KCNIP4: variants seen among roughly 807,000 people sequenced by gnomAD.
KCNIP4 encodes potassium voltage-gated channel interacting protein 4.
In KCNIP4, 12 loss-of-function variants were observed where a neutral mutation model predicts 34.0. The ratio of observed to expected loss-of-function variants is 0.35; its 90% CI spans 0.23 to 0.57. KCNIP4 has a LOEUF of 0.57. Among genes scored for constraint, KCNIP4 ranks in the 20% least tolerant of loss-of-function variants. KCNIP4 has a pLI of 0.83. For synonymous variants in KCNIP4, 124 were observed against 102.2 expected (o/e 1.21, Z -1.29); for missense variants, 238 against 311.7 (o/e 0.76, Z 1.78).
chr4:20,746,555 A>G (rs1454124047), intron 5 of KCNIP4, among the ~76,000 whole-genome samples: 1 of 152,148 alleles, frequency 6.6e-6, no homozygotes, highest in African/African-American at 2.4e-5. Flanking sequence ...TAACTGCTAT[A>G]GTTAACATCT....
At chr4:21,475,120 C>T (rs10013001) in intron 1 of KCNIP4, among the ~76,000 whole-genome samples, 3,901 of 152,106 alleles carry the variant, frequency 0.026, 150 homozygotes, top group East Asian at 0.12. Context: ...TGTTCATACT[C>T]TCTCCTAACA....
At chr4:21,360,073 T>A (rs1182807396) in intron 1 of KCNIP4, among the ~76,000 whole-genome samples, 1 of 152,100 alleles carries the variant, frequency 6.6e-6, no homozygotes, top group East Asian at 1.9e-4. Flanking sequence ...TGAGCTCTAC[T>A]GTGCGTGTAA....
chr4:21,701,034 A>C (rs7434957), intron 1 of KCNIP4, among the ~76,000 whole-genome samples: 19,535 of 152,200 alleles, frequency 0.13, 3,764 homozygotes, highest in African/African-American at 0.42. Context: ...TGAATAAAAA[A>C]ATGTGGTATA....
chr4:20,864,312 A>G (rs1407109729), intron 2 of KCNIP4, among the ~76,000 whole-genome samples: 1 of 151,460 alleles, frequency 6.6e-6, no homozygotes, highest in South Asian at 2.1e-4. Context: ...ATGCATATAT[A>G]CATACGTTTA....
At chr4:21,090,999 T>C (rs1243669523) in intron 1 of KCNIP4, among the ~76,000 whole-genome samples, 3 of 152,178 alleles carry the variant, frequency 2.0e-5, no homozygotes, top group Non-Finnish European at 1.5e-5. Flanking sequence ...GTTAGGAATG[T>C]TTTTATGTAG....
At chr4:21,100,970 C>T (rs1897666) in intron 1 of KCNIP4, among the ~76,000 whole-genome samples, 68,523 of 151,894 alleles carry the variant, frequency 0.45, 15,989 homozygotes, top group African/African-American at 0.58. Flanking sequence ...CTAAAACCTT[C>T]TTAAAATTTT....
intron 1 of KCNIP4, among the ~76,000 whole-genome samples, chr4:21,072,911 C>T (rs1326588379): frequency 2.0e-5 from 3 of 152,094 alleles, no homozygotes; most frequent in Admixed American, 1.3e-4. Context: ...GAATCCTTTC[C>T]CCATTGCTTG....
chr4:21,733,075 G>A (rs918892366), intron 1 of KCNIP4, among the ~76,000 whole-genome samples: 11 of 152,074 alleles, frequency 7.2e-5, no homozygotes, highest in Non-Finnish European at 1.2e-4. Context: ...GAATCTCAAC[G>A]CTGAGCAAGA....
chr4:21,254,120 G>C (rs1022702087), intron 1 of KCNIP4, among the ~76,000 whole-genome samples: 1 of 152,186 alleles, frequency 6.6e-6, no homozygotes, highest in African/African-American at 2.4e-5. Flanking sequence ...TTTGGAACTA[G>C]ATTGAAAATG....
At chr4:21,294,258 T>C (rs1038705231) in intron 1 of KCNIP4, among the ~76,000 whole-genome samples, 3 of 152,164 alleles carry the variant, frequency 2.0e-5, no homozygotes, top group Non-Finnish European at 2.9e-5. Context: ...ACCTCCTGAA[T>C]GCCTGAGCAC....
chr4:21,630,841 T>C (rs1326030429), intron 1 of KCNIP4, among the ~76,000 whole-genome samples: 4 of 152,172 alleles, frequency 2.6e-5, no homozygotes. Flanking sequence ...GATGTTTCTG[T>C]TTTTTGCCTA....
At chr4:20,970,784 G>A (rs1257756767) in intron 1 of KCNIP4, among the ~76,000 whole-genome samples, 3 of 152,182 alleles carry the variant, frequency 2.0e-5, no homozygotes, top group African/African-American at 7.2e-5. Flanking sequence ...ATTCTGAGTA[G>A]CCTATTGTAT....
chr4:21,742,987 TA>T (rs2109131670), intron 1 of KCNIP4, among the ~76,000 whole-genome samples: 1 of 152,296 alleles, frequency 6.6e-6, no homozygotes, highest in South Asian at 2.1e-4. Context: ...CTGTAGAGTG[TA>T]ATAGGCTACC....
chr4:21,202,708 T>C (rs529967262), intron 1 of KCNIP4, among the ~76,000 whole-genome samples: 8 of 152,290 alleles, frequency 5.3e-5, no homozygotes, highest in African/African-American at 1.9e-4. Context: ...CCATGTTCTT[T>C]CCACTTGTTT....
Position 21,688,974 on chromosome 4 carries a change from T to G in KCNIP4, c.61+259597A>C, listed in dbSNP as rs568204915. Among the ~76,000 whole-genome samples, 124 of 152,210 alleles carry G rather than the reference T, an allele frequency of 8.1e-4. 1 individual carries two copies. Among genetic ancestry groups the G allele is most frequent in the African/African-American group, 2.9e-3 (120 of 41,538 alleles). ...TGTCCTTGACTGAAATAGTAAGAGA[T>G]AGTTTTCCTCTGCTTTTTGAAATCT... is the stretch of plus-strand genomic sequence containing the variant. On this transcript the variant is annotated intron_variant, in intron 1 of 8. Coordinates refer to ENST00000382152, the MANE Select transcript of KCNIP4 (RefSeq NM_025221.6).
At chr4:21,266,392 GC>G (rs2109119898) in intron 1 of KCNIP4, among the ~76,000 whole-genome samples, 1 of 145,804 alleles carries the variant, frequency 6.9e-6, no homozygotes, top group East Asian at 2.1e-4. Flanking sequence ...AAAACAAAAT[GC>G]CAAGGAAACA....
intron 1 of KCNIP4, among the ~76,000 whole-genome samples, chr4:20,895,085 C>A (rs1726358660): frequency 6.6e-6 from 1 of 152,172 alleles, no homozygotes; most frequent in African/African-American, 2.4e-5. Context: ...CTGTCTAGCT[C>A]CTGGGTCTGA....
intron 3 of KCNIP4, among the ~76,000 whole-genome samples, chr4:20,818,546 A>C (rs1716704221): frequency 6.6e-6 from 1 of 152,132 alleles, no homozygotes; most frequent in South Asian, 2.1e-4. Context: ...ACCTCCCGAC[A>C]GAAGCGCTGT....
At chr4:21,328,578 C>A (rs1715318034) in intron 1 of KCNIP4, among the ~76,000 whole-genome samples, 1 of 152,210 alleles carries the variant, frequency 6.6e-6, no homozygotes, top group African/African-American at 2.4e-5. Flanking sequence ...GTAACCACTG[C>A]CTGGCTACCT....
Sources: gnomAD v4.1 joint callset for allele counts (sites outside exome capture counted in the v4.1 genomes callset) on GRCh38, gnomAD v4.1.1 for gene constraint, MANE v1.5 for transcripts, NCBI Gene and HGNC (gene_info 2026-07-23, HGNC 2026-07-21) for gene names.